The following DEPDC1 variants were observed in gnomAD, a reference collection of about 807,000 sequenced individuals.
DEPDC1 encodes DEP domain-containing protein 1A.
In DEPDC1, 66 loss-of-function variants were observed where a neutral mutation model predicts 86.8. The observed-to-expected ratio is 0.76, with a 90% confidence interval of 0.62 to 0.93. The LOEUF (loss-of-function observed/expected upper bound fraction) is 0.93, where lower values mean the gene tolerates loss of function less well. Among genes scored for constraint, DEPDC1 ranks in the 40% least tolerant of loss-of-function variants. The probability of loss-of-function intolerance (pLI) is 0.00; values close to 1 mark genes in which losing one functional copy is unlikely to be tolerated. For synonymous variants in DEPDC1, 255 were observed against 314.9 expected, an observed-to-expected ratio of 0.81 and a Z score of 2.02; for missense variants, 792 against 935.7, an observed-to-expected ratio of 0.85 and a Z score of 2.00.
intron 9 of DEPDC1, 112 bp from the exon 10 acceptor site, chr1:68,479,432 G>A: frequency 2.8e-6 from 2 of 724,422 alleles, no homozygotes; most frequent in Middle Eastern, 2.5e-4. Context: ...GTGGTAAGCA[G>A]CCCTCAGTTT....
In DEPDC1 at chr1:68,474,482, C is replaced by T. The variant is rs554162074; in HGVS notation, c.*2450G>A. The T allele has an allele frequency of 1.3e-5, 2 of 152,138 alleles. No individual in the cohort carries two copies. Among genetic ancestry groups the T allele is most frequent in the East Asian group, 3.9e-4 (2 of 5,160 alleles). 9.4% of individuals were successfully genotyped at this position (152,138 alleles called of 1,614,324 possible). ...TAGAAGATATTAGGGATGGTGGAGG[C>T]AGTAATTTCTGGGATAAGAACTATA... On this transcript the variant is annotated 3_prime_UTR_variant, in exon 12 of 12. Coordinates refer to ENST00000456315, the MANE Select transcript of DEPDC1 (RefSeq NM_001114120.3).
At position 68,489,476 on chromosome 1, in the gene DEPDC1, T is replaced by A. The variant is rs973977010; in HGVS notation, c.447A>T (p.Lys149Asn). 5 of 1,519,454 alleles carry A rather than the reference T, an allele frequency of 3.3e-6. No homozygotes were observed. The highest frequency in any genetic ancestry group is 4.4e-6 in the Non-Finnish European group (5 of 1,144,574). The allele number at this position is 1,519,454 out of a possible 1,614,324, so 94.1% of individuals were successfully genotyped here. The part of the protein sequence containing the change: ...KLRNLSRRTP[K>N]RHGLHLSQEN... ...CCTGAGATAAATGTAATCCATGCCT[T>A]TTAGGAGTTCTACGAGATAAGTTTC... The change falls in exon 3 of 12, where the codon AAA becomes AAT. Residue 149 changes from lysine (K) to asparagine (N), a missense_variant. Transcript: ENST00000456315.
At chr1:68,478,905 C>T (rs1331838239) in intron 10 of DEPDC1, among the ~76,000 whole-genome samples, 1 of 151,938 alleles carries the variant, frequency 6.6e-6, no homozygotes, top group Non-Finnish European at 1.5e-5. Context: ...CTTCAACTAG[C>T]CACATTCCTC....
In DEPDC1 at chr1:68,494,171, G is replaced by A. The variant is rs772356944; in HGVS notation, c.314+259C>T. ...ATGTTATAAAGTGTTCAGAATATGC[G>A]GAAGTGATAATACATCAGTATTTCC... On this transcript the variant is annotated intron_variant, in intron 2 of 11. Transcript: ENST00000456315. Among the ~76,000 whole-genome samples the A allele has an allele frequency of 9.9e-5, 15 of 152,172 alleles. 1 individual carries two copies. Among genetic ancestry groups the A allele is most frequent in the East Asian group, 5.8e-4 (3 of 5,186 alleles).
intron 2 of DEPDC1, among the ~76,000 whole-genome samples, chr1:68,492,203 T>C (rs1199102788): frequency 6.6e-6 from 1 of 152,196 alleles, no homozygotes; most frequent in Non-Finnish European, 1.5e-5. Context: ...GAAACTATAT[T>C]GAAGTTTTGA....
Position 68,475,670 on chromosome 1 carries a change from A to G in DEPDC1, c.*1262T>C, listed in dbSNP as rs527836954. On this transcript the variant is annotated 3_prime_UTR_variant, in exon 12 of 12. Transcript: ENST00000456315. Reference sequence around the variant, plus strand: ...ATGAAACAATCTTGGAGTAAAAATTAGAAGGCAACTTGCTTCAAGTTTGTA... The same window carrying G: ...ATGAAACAATCTTGGAGTAAAAATTGGAAGGCAACTTGCTTCAAGTTTGTA... 4 of 152,042 alleles carry G rather than the reference A, an allele frequency of 2.6e-5. No individual in the cohort carries two copies. In the East Asian group the frequency reaches 7.7e-4, roughly 29 times the overall value. The allele number at this position is 152,042 out of a possible 1,614,324, so 9.4% of individuals were successfully genotyped here.
intron 6 of DEPDC1, among the ~76,000 whole-genome samples, chr1:68,484,735 A>G (rs145848273): frequency 8.5e-4 from 130 of 152,140 alleles, no homozygotes; most frequent in Non-Finnish European, 1.5e-3. Flanking sequence ...TTTTAAAGCT[A>G]CAACAACATT....
rs1200719359 is a variant in DEPDC1 at position 68,497,051 on chromosome 1, C to T, written c.-52G>A. ...ATGGCGGCGAAGGCGACACTCAGGCCCAGCGGCCGCGGCAGTGGCGAGTCT... is the reference window on the plus strand; with the variant it reads ...ATGGCGGCGAAGGCGACACTCAGGCTCAGCGGCCGCGGCAGTGGCGAGTCT... On this transcript the variant is annotated 5_prime_UTR_variant, in exon 1 of 12. Transcript: ENST00000456315. The T allele has an allele frequency of 1.9e-6, 3 of 1,598,432 alleles. No individual in the cohort carries two copies. The highest frequency in any genetic ancestry group is 2.6e-6 in the Non-Finnish European group (3 of 1,168,392).
At position 68,486,996 on chromosome 1, in the gene DEPDC1, G is replaced by T; in HGVS notation, c.722-12C>A. 1 of 1,588,760 alleles carries T rather than the reference G, an allele frequency of 6.3e-7. No homozygotes were observed. ...GTGAGGGAGGTCATCTACACAAAAA[G>T]AAAAATATTACTAAGTAAACCATAC... On this transcript the variant is annotated splice_polypyrimidine_tract_variant and intron_variant, in intron 5 of 11. Coordinates refer to ENST00000456315, the MANE Select transcript of DEPDC1 (RefSeq NM_001114120.3).
intron 8 of DEPDC1, 50 bp downstream of exon 8, chr1:68,481,996 T>G: frequency 6.7e-7 from 1 of 1,497,330 alleles, no homozygotes; most frequent in Non-Finnish European, 8.9e-7. Flanking sequence ...AACACAGAGT[T>G]AGTAAACACT....
chr1:68,489,172 A>G (rs937692417), intron 3 of DEPDC1, 138 bp from the exon 4 acceptor site: 1 of 644,716 alleles, frequency 1.6e-6, no homozygotes, highest in Non-Finnish European at 2.6e-6. Flanking sequence ...ATGGTAATGG[A>G]GTTTTTAATT....
chr1:68,486,237 T>G (rs1646191923), intron 6 of DEPDC1, among the ~76,000 whole-genome samples: 1 of 152,076 alleles, frequency 6.6e-6, no homozygotes, highest in African/African-American at 2.4e-5. Context: ...TTTGGTGCTG[T>G]TCTTGTGATA....
intron 5 of DEPDC1, among the ~76,000 whole-genome samples, 200 bp from the exon 6 acceptor site, chr1:68,487,184 GAAA>G (rs1358525676): frequency 3.3e-5 from 5 of 151,890 alleles, no homozygotes; most frequent in Admixed American, 3.3e-4. Context: ...TTTTAAAATA[GAAA>G]AAGTCTGAAA....
At chr1:68,479,452 GACA>G (rs1324332715) in intron 9 of DEPDC1, 132 bp from the exon 10 acceptor site, 7 of 608,036 alleles carry the variant, frequency 1.2e-5, no homozygotes, top group African/African-American at 1.9e-5. Flanking sequence ...TAAAAATGAG[GACA>G]ACGATTTATA....
chr1:68,478,998 G>A (rs959255844), intron 10 of DEPDC1, 146 bp downstream of exon 10: 3 of 621,706 alleles, frequency 4.8e-6, no homozygotes, highest in Admixed American at 3.2e-5. Flanking sequence ...ATAGCTATTT[G>A]AGTCCCAGAT....
intron 1 of DEPDC1, 79 bp from the exon 2 acceptor site, chr1:68,494,774 G>T (rs1426410576): frequency 1.7e-6 from 2 of 1,150,970 alleles, no homozygotes; most frequent in African/African-American, 1.6e-5. Context: ...ATTAGGTAAA[G>T]AAAATTCTTT....
intron 10 of DEPDC1, 67 bp from the exon 11 acceptor site, chr1:68,478,039 T>C: frequency 1.7e-6 from 2 of 1,204,810 alleles, no homozygotes; most frequent in Non-Finnish European, 1.1e-6. Context: ...AAGTATTCTT[T>C]TGATGGGATC....
rs1433239179 is a variant in DEPDC1 at position 68,496,696 on chromosome 1, A to T, written c.48+256T>A. 6 of 425,136 alleles carry T rather than the reference A, an allele frequency of 1.4e-5. No homozygotes were observed. In the Admixed American group the frequency reaches 2.5e-4, roughly 17 times the overall value. The allele number at this position is 425,136 out of a possible 1,614,324, so 26.3% of individuals were successfully genotyped here. ...ACACCAGGCACAGGAGTCGCTCCTC[A>T]TAGCGAGTCTGGTGCGGCCTACGCG... On this transcript the variant is annotated intron_variant, in intron 1 of 11. Transcript: ENST00000456315. The surrounding 1 kb of genome is among the most constrained non-coding windows in gnomAD (Gnocchi z 4.0).
In DEPDC1 at chr1:68,479,300, T is replaced by C. The variant is rs1646138214; in HGVS notation, c.1956A>G (p.Arg652=). The C allele has an allele frequency of 6.2e-7, 1 of 1,603,142 alleles. No homozygotes were observed. The highest frequency in any genetic ancestry group is 8.5e-7 in the Non-Finnish European group (1 of 1,176,084). ...CTTCTTCAGCACAGCATAACACACA[T>C]CGAGAAAAGGTATGTATCATCTAGA... ...TRSLMIHTFS[R]CVLCCAEEVD... Residue 652 remains arginine (R), a synonymous_variant, in exon 10 of 12, where the codon CGA becomes CGG. Transcript: ENST00000456315.
Sources: gnomAD v4.1 joint callset for allele counts (sites outside exome capture counted in the v4.1 genomes callset) on GRCh38, gnomAD v4.1.1 for gene constraint, Gnocchi (gnomAD v3.1) non-coding constraint, MANE v1.5 for transcripts, NCBI Gene and HGNC (gene_info 2026-07-23, HGNC 2026-07-21) for gene names.